The following SNX15 variants were observed in gnomAD, a reference collection of about 807,000 sequenced individuals.
SNX15 encodes sorting nexin-15.
In SNX15, 29 loss-of-function variants were observed where a neutral mutation model predicts 35.2. The observed-to-expected ratio is 0.82, with a 90% CI of 0.61 to 1.12. The LOEUF is 1.12. SNX15 is among the 50% of genes most tolerant of loss of function. The pLI is 0.00. For missense variants in SNX15, 400 were observed against 451.5 expected (o/e 0.89, Z 1.03); for synonymous variants, 189 against 188.2 (o/e 1.00, Z -0.03).
In SNX15 at chr11:65,038,808, G is replaced by T. The variant is rs772136846; in HGVS notation, c.901G>T (p.Val301Phe). ...ALQGYRDGVH[V>F]LLQGVPSDPL... ...CCAGGGCTATCGAGACGGCGTGCACGTCTTGCTTCAGGGAGTCCCCAGTGA... is the reference window on the plus strand; with the variant it reads ...CCAGGGCTATCGAGACGGCGTGCACTTCTTGCTTCAGGGAGTCCCCAGTGA... The change falls in exon 7 of 8, where the codon GTC becomes TTC. Residue 301 changes from valine to phenylalanine, a missense_variant. Coordinates refer to ENST00000377244, the MANE Select transcript of SNX15 (RefSeq NM_013306.5). 1 of 1,590,846 alleles carries T rather than the reference G, an allele frequency of 6.3e-7. No individual in the cohort carries two copies. The highest frequency in any genetic ancestry group is 8.6e-7 in the Non-Finnish European group (1 of 1,168,220).
chr11:65,027,763 A>C (rs1046444745), intron 1 of SNX15, 127 bp downstream of exon 1: 1 of 691,950 alleles, frequency 1.4e-6, no homozygotes, highest in South Asian at 1.7e-5. Context: ...CTTTAAGGGG[A>C]GGTTGCAGTA....
intron 3 of SNX15, 108 bp from the exon 4 acceptor site, chr11:65,034,739 A>G (rs753444230): frequency 2.6e-6 from 2 of 758,164 alleles, no homozygotes; most frequent in Non-Finnish European, 4.4e-6. Context: ...GTAGGAGGGC[A>G]GTGAGTTGCT....
chr11:65,035,384 GT>G, intron 5 of SNX15, 135 bp from the exon 6 acceptor site: 1 of 1,292,332 alleles, frequency 7.7e-7, no homozygotes, highest in South Asian at 1.5e-5. Flanking sequence ...TTCTTGATCT[GT>G]AAAATGAGCA....
intron 3 of SNX15, among the ~76,000 whole-genome samples, chr11:65,034,541 A>G (rs1024203677): frequency 5.3e-5 from 8 of 152,194 alleles, no homozygotes; most frequent in Non-Finnish European, 1.2e-4. Context: ...TTAACTGCCT[A>G]GCTCCCCCTG....
chr11:65,035,298 G>A lies in SNX15; in HGVS notation c.520+92G>A, dbSNP rs1029804041. On this transcript the variant is annotated intron_variant, in intron 5 of 7. Transcript: ENST00000377244. Reference sequence around the variant, plus strand: ...CTCCTCAGTGATCTTACTGAGAAATGTGTGTGTGTCCCAGGTCTATCACTT... The same window carrying A: ...CTCCTCAGTGATCTTACTGAGAAATATGTGTGTGTCCCAGGTCTATCACTT... 1.4e-5 allele frequency: 18 copies of A among 1,329,532 alleles called. No homozygotes were observed. The Admixed American group carries it at 4.9e-4, about 36-fold the overall frequency. The allele number at this position is 1,329,532 out of a possible 1,614,324, so 82.4% of individuals were successfully genotyped here.
intron 6 of SNX15, 35 bp from the exon 7 acceptor site, chr11:65,038,537 C>A: frequency 6.6e-7 from 1 of 1,508,270 alleles, no homozygotes; most frequent in Non-Finnish European, 8.8e-7. Flanking sequence ...AAAGGAAGGG[C>A]CAGTCTGGTC....
chr11:65,035,009 C>CA (rs1296258905), intron 4 of SNX15, 47 bp downstream of exon 4: 1 of 1,613,374 alleles, frequency 6.2e-7, no homozygotes, highest in East Asian at 2.2e-5. Context: ...CTTACCCACC[C>CA]ACCAGATTGC....
intron 1 of SNX15, among the ~76,000 whole-genome samples, chr11:65,029,160 G>A (rs1024327009): frequency 2.6e-5 from 4 of 151,844 alleles, no homozygotes; most frequent in African/African-American, 7.2e-5. Flanking sequence ...TTTTTGTGTC[G>A]TTGTTTTGTT....
intron 1 of SNX15, among the ~76,000 whole-genome samples, chr11:65,031,962 A>G (rs532905941): frequency 3.3e-5 from 5 of 152,074 alleles, no homozygotes; most frequent in Non-Finnish European, 7.4e-5. Context: ...CTCCTATTTG[A>G]TAGATGGAGA....
chr11:65,027,558 T>A lies in SNX15; in HGVS notation c.21T>A (p.Asp7Glu), dbSNP rs772410080. 3.6e-5 allele frequency: 58 copies of A among 1,613,902 alleles called. No homozygotes were observed. Among genetic ancestry groups the A allele is most frequent in the Non-Finnish European group, 7.6e-6 (9 of 1,179,994 alleles). ...GTTTCATGTCCCGCCAGGCGAAGGA[T>A]GACTTCCTGCGGCACTACACAGTGT... MSRQAKDDFLRHYTVSD... is the reference protein window; with the variant it reads MSRQAKEDFLRHYTVSD... The change falls in exon 1 of 8, where the codon GAT becomes GAA. Residue 7 changes from aspartate to glutamate, a missense_variant. Transcript: ENST00000377244.
intron 1 of SNX15, among the ~76,000 whole-genome samples, chr11:65,029,159 C>T (rs1437885404): frequency 6.6e-6 from 1 of 151,166 alleles, no homozygotes; most frequent in African/African-American, 2.4e-5. Flanking sequence ...TTTTTTGTGT[C>T]GTTGTTTTGT....
intron 6 of SNX15, chr11:65,038,206 C>T (rs1208237276): frequency 1.0e-6 from 1 of 955,840 alleles, no homozygotes; most frequent in Non-Finnish European, 1.3e-6. Context: ...GCATTTCTAC[C>T]CTCAGCCTGG....
chr11:65,027,588 C>G lies in SNX15; in HGVS notation c.51C>G (p.Asp17Glu), dbSNP rs1284886897. The change falls in exon 1 of 8, where the codon GAC becomes GAG. Residue 17 changes from aspartate (D) to glutamate (E), a missense_variant. Coordinates refer to ENST00000377244, the MANE Select transcript of SNX15 (RefSeq NM_013306.5). ...TCCTGCGGCACTACACAGTGTCGGA[C>G]CCCAGGACTCACCCCAAGGGCTACA... ...DDFLRHYTVS[D>E]PRTHPKGYTE... 1 of 1,614,082 alleles carries G rather than the reference C, an allele frequency of 6.2e-7. No individual in the cohort carries two copies. The highest frequency in any genetic ancestry group is 1.7e-5 in the Admixed American group (1 of 60,010).
At chr11:65,035,845 G>A (rs942789237) in intron 6 of SNX15, 182 bp downstream of exon 6, 36 of 567,530 alleles carry the variant, frequency 6.3e-5, no homozygotes, top group Non-Finnish European at 9.3e-5. Context: ...GCCAGGGCAC[G>A]TGGTGTGGTG....
chr11:65,028,652 C>T (rs1373635217), intron 1 of SNX15, among the ~76,000 whole-genome samples: 1 of 137,276 alleles, frequency 7.3e-6, no homozygotes, highest in East Asian at 2.1e-4. Context: ...AGTGAGACCC[C>T]GGATCAATAT....
rs771832927 is a variant in SNX15 at position 65,038,601 on chromosome 11, G to A, written c.694G>A (p.Ala232Thr). ...CGCAGCCCCCAGCCCCACCCATGTGGCTGAGCTGGCAACGATGGAGGTGGA... is the reference window on the plus strand; with the variant it reads ...CGCAGCCCCCAGCCCCACCCATGTGACTGAGCTGGCAACGATGGAGGTGGA... ...EGAAPSPTHV[A>T]ELATMEVESA... Residue 232 changes from alanine (A) to threonine (T), a missense_variant, in exon 7 of 8, where the codon GCT becomes ACT. Ala to Thr is a moderately conservative substitution (Grantham distance 58). Coordinates refer to ENST00000377244, the MANE Select transcript of SNX15 (RefSeq NM_013306.5). 1.3e-6 allele frequency: 2 copies of A among 1,585,918 alleles called. No homozygotes were observed. The highest frequency in any genetic ancestry group is 1.7e-6 in the Non-Finnish European group (2 of 1,165,004).
intron 6 of SNX15, chr11:65,036,677 C>CA: frequency 6.7e-6 from 1 of 148,858 alleles, no homozygotes. Flanking sequence ...GCGCTTGGCC[C>CA]GTTTTTTTTT....
chr11:65,037,573 T>A (rs931621058), intron 6 of SNX15: 4 of 152,246 alleles, frequency 2.6e-5, no homozygotes, highest in African/African-American at 9.6e-5. Context: ...ACTCAGCCCA[T>A]GGGAAAAGTC....
chr11:65,034,784 T>C, intron 3 of SNX15, 63 bp from the exon 4 acceptor site: 1 of 1,315,056 alleles, frequency 7.6e-7, no homozygotes. Context: ...AAAAGTGGCC[T>C]TGGGGCAGAA....
Sources: allele counts gnomAD v4.1 joint callset (sites outside exome capture counted in the v4.1 genomes callset), GRCh38; gene constraint gnomAD v4.1.1; transcripts MANE v1.5; gene names NCBI Gene and HGNC (gene_info 2026-07-23, HGNC 2026-07-21).